RERE: variants seen among roughly 807,000 people sequenced by gnomAD.
RERE encodes arginine-glutamic acid dipeptide repeats protein.
In RERE, 40 loss-of-function variants were observed where a neutral mutation model predicts 146.1. The ratio of observed to expected loss-of-function variants is 0.27; its 90% CI spans 0.21 to 0.36. RERE has a LOEUF of 0.36. Ranked by LOEUF, RERE falls within the 10% of genes least tolerant of loss-of-function variation. The pLI is 1.00. For synonymous variants in RERE, 1,003 were observed against 866.0 expected, an observed-to-expected ratio of 1.16 and a Z score of -2.78; for missense variants, 1,933 against 2,138.7, an observed-to-expected ratio of 0.90 and a Z score of 1.90.
At chr1:8,806,512 C>T (rs999316870) in intron 1 of RERE, among the ~76,000 whole-genome samples, 7 of 151,926 alleles carry the variant, frequency 4.6e-5, no homozygotes, top group Non-Finnish European at 4.4e-5. Context: ...GAGGGAGACT[C>T]CATCTCAAAA....
At chr1:8,449,608 G>A (rs1345464401) in intron 11 of RERE, among the ~76,000 whole-genome samples, 13 of 152,220 alleles carry the variant, frequency 8.5e-5, no homozygotes, top group Admixed American at 8.5e-4. Flanking sequence ...CGCACAGATT[G>A]CTCTGTCAAA....
chr1:8,683,085 A>G (rs187682686), intron 1 of RERE, among the ~76,000 whole-genome samples: 98 of 151,680 alleles, frequency 6.5e-4, no homozygotes, highest in African/African-American at 2.2e-3. Context: ...TATTAGTATA[A>G]TCATCAAGCT....
chr1:8,631,253 G>A (rs1199546048), intron 2 of RERE, among the ~76,000 whole-genome samples: 4 of 152,086 alleles, frequency 2.6e-5, no homozygotes, highest in African/African-American at 9.7e-5. Context: ...AATAATGCTG[G>A]GCCAGGCATG....
At chr1:8,750,726 G>A (rs562563156) in intron 1 of RERE, 3 of 793,580 alleles carry the variant, frequency 3.8e-6, no homozygotes, top group Non-Finnish European at 4.5e-6. Context: ...GGTATCAATG[G>A]TGTGAGCCCA....
chr1:8,666,851 G>C (rs1182612741), intron 1 of RERE, among the ~76,000 whole-genome samples: 1 of 152,168 alleles, frequency 6.6e-6, no homozygotes, highest in Non-Finnish European at 1.5e-5. Flanking sequence ...CATAAGCAAA[G>C]AGCTACATAT....
At chr1:8,706,993 C>G (rs536202049) in intron 1 of RERE, among the ~76,000 whole-genome samples, 11 of 152,288 alleles carry the variant, frequency 7.2e-5, no homozygotes, top group Non-Finnish European at 1.2e-4. Flanking sequence ...CAAATTAATA[C>G]TCATTATGAC....
At chr1:8,596,860 C>T (rs1646560848) in intron 4 of RERE, among the ~76,000 whole-genome samples, 1 of 151,982 alleles carries the variant, frequency 6.6e-6, no homozygotes, top group African/African-American at 2.4e-5. Context: ...TACCACACAG[C>T]GTGTCTATCT....
At chr1:8,747,945 T>C (rs1387228450) in intron 1 of RERE, among the ~76,000 whole-genome samples, 2 of 152,032 alleles carry the variant, frequency 1.3e-5, no homozygotes, top group Admixed American at 1.3e-4. Context: ...CAGCTAATTT[T>C]TGTATTTATT....
At chr1:8,694,973 A>AGCG (rs765455359) in intron 1 of RERE, among the ~76,000 whole-genome samples, 1 of 33,190 alleles carries the variant, frequency 3.0e-5, no homozygotes, top group Admixed American at 4.1e-4. Context: ...AGAAATCCTA[A>AGCG]GGGGGGGGGG....
intron 2 of RERE, among the ~76,000 whole-genome samples, chr1:8,634,445 T>C (rs941701178): frequency 1.1e-4 from 17 of 152,354 alleles, no homozygotes; most frequent in East Asian, 5.8e-4. Context: ...TCTTGTTTTA[T>C]TGGCTGATTG....
At chr1:8,600,750 C>CTTT (rs59816060) in intron 4 of RERE, among the ~76,000 whole-genome samples, 3 of 113,426 alleles carry the variant, frequency 2.6e-5, no homozygotes, top group African/African-American at 7.0e-5. Flanking sequence ...CAAGCCAATA[C>CTTT]TTTTTTTTTT....
intron 7 of RERE, among the ~76,000 whole-genome samples, chr1:8,533,012 A>G (rs1645677581): frequency 1.3e-5 from 2 of 152,234 alleles, no homozygotes; most frequent in South Asian, 4.1e-4. Flanking sequence ...GATTACAGGC[A>G]TGAACCACCA....
chr1:8,401,017 CAAAAA>C (rs142269202), intron 12 of RERE, among the ~76,000 whole-genome samples: 1 of 65,142 alleles, frequency 1.5e-5, no homozygotes, highest in Non-Finnish European at 2.9e-5. Context: ...GACTCTGTCT[CAAAAA>C]AAAAAAAAAA....
rs1304477796 is a variant in RERE, at chr1:8,647,635, ATATG to A, written c.325+8334_325+8337del. Among the ~76,000 whole-genome samples, 19 of 60,588 alleles carry A rather than the reference ATATG, an allele frequency of 3.1e-4. No homozygotes were observed. The East Asian group carries it at 3.3e-3, about 11-fold the overall frequency. 39.7% of individuals were successfully genotyped at this position (60,588 alleles called of 152,430 possible). A position where few individuals can be genotyped will look rare whatever the true frequency, so the allele number is the denominator to read the frequency against. ...CAGATCAAATGAGCTTCTATTTAAA[ATATG>A]TATGTGTGTGTGTGTGTGTGTGTGT... On this transcript the variant is annotated intron_variant, in intron 2 of 22. Transcript: ENST00000400908.
Position 8,376,162 on chromosome 1 carries a change from A to T in RERE, c.1285-10188T>A, listed in dbSNP as rs1642242222. 2.0e-5 allele frequency among the ~76,000 whole-genome samples: 3 copies of T among 152,182 alleles called. No individual in the cohort carries two copies. In the South Asian group the frequency reaches 6.2e-4, roughly 32 times the overall value. On this transcript the variant is annotated intron_variant, in intron 12 of 22. Coordinates refer to ENST00000400908, the MANE Select transcript of RERE (RefSeq NM_001042681.2). ...TTTAAAGCACTAAGAGGAAATAGCC[A>T]TCTAGATTTTTTTAAGTGAGGGGGG...
intron 10 of RERE, among the ~76,000 whole-genome samples, chr1:8,469,918 C>T (rs897995718): frequency 2.6e-5 from 4 of 152,170 alleles, no homozygotes; most frequent in Non-Finnish European, 5.9e-5. Context: ...TAGTGATGAG[C>T]TTAATGGGGA....
At chr1:8,531,196 TATA>T (rs1235989464) in intron 7 of RERE, among the ~76,000 whole-genome samples, 1 of 152,014 alleles carries the variant, frequency 6.6e-6, no homozygotes, top group East Asian at 1.9e-4. Context: ...GGCTCACAAA[TATA>T]ATGAGAGGCC....
At chr1:8,468,984 A>G (rs1382441951) in intron 10 of RERE, among the ~76,000 whole-genome samples, 1 of 152,200 alleles carries the variant, frequency 6.6e-6, no homozygotes, top group Non-Finnish European at 1.5e-5. Flanking sequence ...CCTGGATTCC[A>G]ACTCTAGCTC....
At chr1:8,524,086 A>C (rs1645540897) in intron 7 of RERE, among the ~76,000 whole-genome samples, 1 of 152,146 alleles carries the variant, frequency 6.6e-6, no homozygotes, top group Non-Finnish European at 1.5e-5. Context: ...TTATTAAAAG[A>C]AGCAGGAAGG....
Sources: allele counts gnomAD v4.1 joint callset (sites outside exome capture counted in the v4.1 genomes callset), GRCh38; gene constraint gnomAD v4.1.1; transcripts MANE v1.5; gene names NCBI Gene and HGNC (gene_info 2026-07-23, HGNC 2026-07-21).